Variants in PRKDC observed in about 807,000 individuals in gnomAD.
PRKDC encodes the protein DNA-dependent protein kinase catalytic subunit.
In PRKDC, 82 loss-of-function variants were observed where a neutral mutation model predicts 486.9. The observed-to-expected ratio is 0.17, with a 90% CI of 0.14 to 0.20. The LOEUF (loss-of-function observed/expected upper bound fraction) is 0.20. Ranked by LOEUF, PRKDC falls within the 10% of genes least tolerant of loss-of-function variation. The probability of loss-of-function intolerance (pLI) is 1.00; values close to 1 mark genes in which losing one functional copy is unlikely to be tolerated. For missense variants in PRKDC, 4,504 were observed against 5,038.2 expected (o/e 0.89, Z 3.21); for synonymous variants, 1,895 against 1,837.0 (o/e 1.03, Z -0.81).
intron 84 of PRKDC, 49 bp from the exon 85 acceptor site, chr8:47,777,032 A>C (rs2086620984): frequency 1.3e-6 from 2 of 1,567,034 alleles, no homozygotes; most frequent in East Asian, 2.2e-5. Flanking sequence ...TGGTATATAC[A>C]ATCATGCCCA....
At chr8:47,834,536 TC>T in intron 58 of PRKDC, 140 bp from the exon 59 acceptor site, 1 of 825,848 alleles carries the variant, frequency 1.2e-6, no homozygotes, top group Non-Finnish European at 1.9e-6. Flanking sequence ...CTCTGTCAGG[TC>T]CCAGGGTATG....
intron 7 of PRKDC, among the ~76,000 whole-genome samples, chr8:47,945,554 A>T (rs890122460): frequency 2.0e-5 from 3 of 152,132 alleles, no homozygotes; most frequent in Admixed American, 1.3e-4. Context: ...TGCAAGGTTC[A>T]TCCATGCTGC....
Position 47,927,892 on chromosome 8 carries a change from T to C in PRKDC, c.2140-2A>G. ...GTACTGCTTCATTTTAACTGCCACC[T>C]TAACAAGAAAGAAGACAGTAATGTA... is the stretch of plus-strand genomic sequence containing the variant. On this transcript the variant is annotated splice_acceptor_variant, in intron 19 of 85. Coordinates refer to ENST00000314191, the MANE Select transcript of PRKDC (RefSeq NM_006904.7). LOFTEE classifies it high-confidence loss of function. 1 of 1,558,642 alleles carries C rather than the reference T, an allele frequency of 6.4e-7. No homozygotes were observed. The highest frequency in any genetic ancestry group is 8.7e-7 in the Non-Finnish European group (1 of 1,155,742).
chr8:47,896,234 T>C (rs1216804081), intron 30 of PRKDC, among the ~76,000 whole-genome samples: 1 of 151,918 alleles, frequency 6.6e-6, no homozygotes, highest in African/African-American at 2.4e-5. Flanking sequence ...ATATGTAGTA[T>C]ATAACATTAT....
chr8:47,953,129 A>G (rs949110041), intron 7 of PRKDC, among the ~76,000 whole-genome samples: 32 of 151,888 alleles, frequency 2.1e-4, no homozygotes, highest in African/African-American at 7.7e-4. Context: ...CTACGGAGCG[A>G]GACTCTGTTT....
At chr8:47,792,330 CTCA>C in intron 74 of PRKDC, among the ~76,000 whole-genome samples, 1 of 149,644 alleles carries the variant, frequency 6.7e-6, no homozygotes, top group African/African-American at 2.5e-5. Flanking sequence ...TTGATCTCGG[CTCA>C]CTGCAAGCTC....
chr8:47,820,102 C>T (rs1346406225), intron 66 of PRKDC, among the ~76,000 whole-genome samples: 3 of 152,104 alleles, frequency 2.0e-5, no homozygotes, highest in East Asian at 1.9e-4. Flanking sequence ...ACTTCCATTC[C>T]GCTACCCCAA....
At position 47,914,887 on chromosome 8, in the gene PRKDC, G is replaced by A. The variant is rs544907756; in HGVS notation, c.2617+441C>T. Among the ~76,000 whole-genome samples the A allele has an allele frequency of 3.8e-3, 585 of 151,992 alleles. 3 individuals carry two copies. Among genetic ancestry groups the A allele is most frequent in the Admixed American group, 6.7e-3 (102 of 15,256 alleles). On this transcript the variant is annotated intron_variant, in intron 23 of 85. Coordinates refer to ENST00000314191, the MANE Select transcript of PRKDC (RefSeq NM_006904.7). ...CCAAGCTAGTCTCAAACTCCTGAGCGCAGGCAATCTTCCCACCTCAGCCTC... is the reference window on the plus strand; with the variant it reads ...CCAAGCTAGTCTCAAACTCCTGAGCACAGGCAATCTTCCCACCTCAGCCTC...
intron 62 of PRKDC, 123 bp downstream of exon 62, chr8:47,828,045 C>T (rs905508352): frequency 3.1e-5 from 28 of 904,820 alleles, no homozygotes; most frequent in African/African-American, 5.1e-5. Context: ...CCAAATAGTA[C>T]ATCTTACTCT....
chr8:47,927,779 C>A lies in PRKDC; in HGVS notation c.2251G>T (p.Ala751Ser). The change falls in exon 20 of 86, where the codon GCA (alanine) becomes TCA (serine). Residue 751 changes from alanine to serine, a missense_variant. By Grantham distance (99) the Ala-to-Ser change is moderately conservative. Transcript: ENST00000314191. Reference protein sequence around the residue: ...IELDVRAYVPALQMAFKLGLS... With the variant: ...IELDVRAYVPSLQMAFKLGLS... ...TTCAAGACAACGCCTACCTGCAGTGCAGGAACGTAGGCTCTAACATCGAGT... is the reference window on the plus strand; with the variant it reads ...TTCAAGACAACGCCTACCTGCAGTGAAGGAACGTAGGCTCTAACATCGAGT... The A allele has an allele frequency of 6.4e-7, 1 of 1,555,228 alleles. No individual in the cohort carries two copies. The highest frequency in any genetic ancestry group is 2.0e-5 in the Admixed American group (1 of 48,928).
At chr8:47,869,047 C>T (rs1589754343) in intron 40 of PRKDC, among the ~76,000 whole-genome samples, 1 of 152,168 alleles carries the variant, frequency 6.6e-6, no homozygotes, top group Non-Finnish European at 1.5e-5. Context: ...GCCCTGCCAC[C>T]ATGGGCTAAA....
intron 68 of PRKDC, among the ~76,000 whole-genome samples, chr8:47,807,869 C>A (rs1377511956): frequency 6.6e-6 from 1 of 151,834 alleles, no homozygotes. Flanking sequence ...GCGTGCACTA[C>A]CACACCCAGA....
intron 73 of PRKDC, 25 bp downstream of exon 73, chr8:47,798,212 C>T (rs1439851550): frequency 1.1e-5 from 17 of 1,599,450 alleles, no homozygotes; most frequent in Non-Finnish European, 1.3e-5. Context: ...AGTTCCTTAC[C>T]GCCAAGTAGA....
At chr8:47,859,800 T>C (rs1457751103) in intron 45 of PRKDC, 41 bp from the exon 46 acceptor site, 1 of 1,528,652 alleles carries the variant, frequency 6.5e-7, no homozygotes, top group Admixed American at 1.8e-5. Flanking sequence ...TATTCAAACA[T>C]AATTAGTAAG....
intron 77 of PRKDC, 96 bp from the exon 78 acceptor site, chr8:47,783,905 TAACATGATAA>T: frequency 8.3e-7 from 1 of 1,209,898 alleles, no homozygotes; most frequent in South Asian, 1.2e-5. Context: ...AAAGCCAATC[TAACATGATAA>T]AACCTTTTAC....
At chr8:47,933,830 T>C in intron 15 of PRKDC, 135 bp downstream of exon 15, 2 of 973,792 alleles carry the variant, frequency 2.1e-6, no homozygotes, top group Non-Finnish European at 2.8e-6. Flanking sequence ...GGTTTTAATT[T>C]TTTATTTTTG....
At chr8:47,943,019 C>T (rs1438376247) in intron 10 of PRKDC, among the ~76,000 whole-genome samples, 190 bp downstream of exon 10, 1 of 152,250 alleles carries the variant, frequency 6.6e-6, no homozygotes, top group Non-Finnish European at 1.5e-5. Flanking sequence ...CTAATCAAAT[C>T]TGGCATCTCC....
rs1442460090 is a variant in PRKDC at position 47,864,741 on chromosome 8, C to A, written c.5386G>T (p.Gly1796Cys). The A allele has an allele frequency of 6.3e-7, 1 of 1,598,020 alleles. No individual in the cohort carries two copies. Among genetic ancestry groups the A allele is most frequent in the South Asian group, 1.1e-5 (1 of 88,548 alleles). The part of the protein sequence containing the change: ...ARRGSCVTQV[G>C]LLESVYEMFR... ...ATTTCATACACGCTTTCCAGAAGGCCTACTTGTGTGACACATGAACCCCTA... is the reference window on the plus strand; with the variant it reads ...ATTTCATACACGCTTTCCAGAAGGCATACTTGTGTGACACATGAACCCCTA... Residue 1796 changes from glycine (G) to cysteine (C), a missense_variant, in exon 41 of 86, where the codon GGC becomes TGC. By Grantham distance (159) the Gly-to-Cys change is radical (BLOSUM62 -3). Around this residue, in one of 6 missense-constraint regions of PRKDC, gnomAD observed 1,969 missense variants for 2,068.9 expected, o/e 0.95. Coordinates refer to ENST00000314191, the MANE Select transcript of PRKDC (RefSeq NM_006904.7).
intron 58 of PRKDC, among the ~76,000 whole-genome samples, chr8:47,835,531 C>T (rs568489896): frequency 1.5e-4 from 21 of 139,630 alleles, no homozygotes; most frequent in East Asian, 2.3e-4. Context: ...GCAGAGGAAT[C>T]GCTTGAACCC....
Sources: allele counts gnomAD v4.1 joint callset (sites outside exome capture counted in the v4.1 genomes callset), GRCh38; gene constraint gnomAD v4.1.1; regional missense constraint gnomAD v4.1.1; transcripts MANE v1.5; gene names NCBI Gene and HGNC (gene_info 2026-07-23, HGNC 2026-07-21).